The following GRM4 variants were observed in gnomAD, a reference collection of about 807,000 sequenced individuals.
GRM4 encodes metabotropic glutamate receptor 4.
In GRM4, 28 loss-of-function variants were observed where a neutral mutation model predicts 81.7. The ratio of observed to expected loss-of-function variants is 0.34; its 90% CI spans 0.25 to 0.47. The LOEUF (loss-of-function observed/expected upper bound fraction) is 0.47, where lower values mean the gene tolerates loss of function less well. Among genes scored for constraint, GRM4 ranks in the 20% least tolerant of loss-of-function variants. GRM4 has a pLI of 1.00. For synonymous variants in GRM4, 488 were observed against 528.8 expected (o/e 0.92, Z 1.06); for missense variants, 948 against 1,290.0 (o/e 0.73, Z 4.06).
chr6:34,138,144 G>A (rs1281821114), intron 1 of GRM4, among the ~76,000 whole-genome samples: 3 of 152,172 alleles, frequency 2.0e-5, no homozygotes, highest in South Asian at 4.1e-4. Context: ...GAACAACCTT[G>A]TCCTTTGTTT....
At chr6:34,088,590 A>G (rs1328314838) in intron 3 of GRM4, among the ~76,000 whole-genome samples, 1 of 152,176 alleles carries the variant, frequency 6.6e-6, no homozygotes, top group African/African-American at 2.4e-5. Context: ...CGCTTCTGCA[A>G]TGCAAGCTGG....
intron 1 of GRM4, among the ~76,000 whole-genome samples, chr6:34,154,854 C>G (rs77674414): frequency 0.015 from 2,261 of 152,338 alleles, 47 homozygotes; most frequent in African/African-American, 0.049. Flanking sequence ...ACGTGAGGAG[C>G]CTCGATTCCC....
chr6:34,151,425 C>T (rs569665468), intron 1 of GRM4, among the ~76,000 whole-genome samples: 124 of 152,288 alleles, frequency 8.1e-4, no homozygotes, highest in Non-Finnish European at 1.5e-3. Flanking sequence ...TCCACATGTC[C>T]GGGGGCTGTC....
In GRM4 at chr6:34,035,060, A is replaced by G. The variant is rs923275279; in HGVS notation, c.2442+608T>C. Among the ~76,000 whole-genome samples the G allele has an allele frequency of 1.4e-4, 21 of 152,024 alleles. No individual in the cohort carries two copies. Among genetic ancestry groups the G allele is most frequent in the African/African-American group, 4.3e-4 (18 of 41,380 alleles). ...TCCAGGGCAGCTTGGGGCTGGGGAG[A>G]GAAGGGGGGTCCCATGGGGATCTTG... On this transcript the variant is annotated intron_variant, in intron 9 of 10. Transcript: ENST00000538487. The surrounding 1 kb of genome is among the most constrained non-coding windows in gnomAD (Gnocchi z 6.6).
chr6:34,067,728 G>A (rs964874730), intron 3 of GRM4, among the ~76,000 whole-genome samples: 7 of 152,032 alleles, frequency 4.6e-5, no homozygotes, highest in African/African-American at 4.8e-5. Context: ...AGTCTAGCTG[G>A]GGAAGCAAGA....
chr6:34,150,598 T>C (rs1030622354), upstream of GRM4, among the ~76,000 whole-genome samples: 1 of 152,024 alleles, frequency 6.6e-6, no homozygotes, highest in Non-Finnish European at 1.5e-5. Context: ...ACCTGAGAGA[T>C]GATGCTTCCT....
chr6:34,146,803 C>A (rs1770944680), upstream of GRM4, among the ~76,000 whole-genome samples: 1 of 152,184 alleles, frequency 6.6e-6, no homozygotes, highest in African/African-American at 2.4e-5. Context: ...CTCGGCCAAC[C>A]CTAATTTCTA....
intron 3 of GRM4, among the ~76,000 whole-genome samples, chr6:34,081,411 G>A (rs1213995718): frequency 6.6e-6 from 1 of 152,260 alleles, no homozygotes. Context: ...GGCTGGCTGT[G>A]TGGCTGGCAT....
At chr6:34,052,067 C>A (rs1191327976) in intron 6 of GRM4, among the ~76,000 whole-genome samples, 1 of 152,212 alleles carries the variant, frequency 6.6e-6, no homozygotes, top group African/African-American at 2.4e-5. Flanking sequence ...CCAGCATGTG[C>A]CACCCTTCTG....
chr6:34,154,444 T>G (rs1771106045), intron 1 of GRM4, among the ~76,000 whole-genome samples: 1 of 152,232 alleles, frequency 6.6e-6, no homozygotes, highest in African/African-American at 2.4e-5. Context: ...CTCACTGGTC[T>G]GCCTTCCCAG....
rs139679814 is a variant in GRM4 at position 34,059,953 on chromosome 6, C to G, written c.873-825G>C. 9.6e-3 allele frequency: 1,470 copies of G among 152,362 alleles called. 11 individuals carry two copies. Among genetic ancestry groups the G allele is most frequent in the Non-Finnish European group, 0.015 (1,012 of 68,062 alleles). The allele number at this position is 152,362 out of a possible 1,614,324, so 9.4% of individuals were successfully genotyped here. A position where few individuals can be genotyped will look rare whatever the true frequency, so the allele number is the denominator to read the frequency against. ...AAAAGAGACTGAGGTAGGGAGGAGG[C>G]AAGGAACTTGCTCACAGTCACACAG... On this transcript the variant is annotated intron_variant, in intron 4 of 10. Coordinates refer to ENST00000538487, the MANE Select transcript of GRM4 (RefSeq NM_000841.4). This position sits in a 1 kb window ranked among gnomAD's most constrained non-coding sequence, Gnocchi z 5.7.
Position 34,048,870 on chromosome 6 carries a change from A to C in GRM4, c.1168+7674T>G, listed in dbSNP as rs1562024843. Among the ~76,000 whole-genome samples the C allele has an allele frequency of 6.6e-6, 1 of 152,046 alleles. No individual in the cohort carries two copies. Among genetic ancestry groups the C allele is most frequent in the Non-Finnish European group, 1.5e-5 (1 of 67,996 alleles). On this transcript the variant is annotated intron_variant, in intron 6 of 10. Transcript: ENST00000538487. The surrounding 1 kb of genome is among the most constrained non-coding windows in gnomAD (Gnocchi z 4.0). Reference sequence around the variant, plus strand: ...GATTGTAAGTTTCCTGAGGCCTCCCAGTCGCGCTTCCTGTACAGCCTGCAG... The same window carrying C: ...GATTGTAAGTTTCCTGAGGCCTCCCCGTCGCGCTTCCTGTACAGCCTGCAG...
Position 34,138,466 on chromosome 6 carries a change from T to C in GRM4, c.-363-4607A>G, listed in dbSNP as rs554955227. Among the ~76,000 whole-genome samples, 117 of 152,308 alleles carry C rather than the reference T, an allele frequency of 7.7e-4. 2 individuals are homozygous for C. Among genetic ancestry groups the C allele is most frequent in the African/African-American group, 2.7e-3 (111 of 41,566 alleles). On this transcript the variant is annotated intron_variant, in intron 1 of 10. Coordinates refer to ENST00000538487, the MANE Select transcript of GRM4 (RefSeq NM_000841.4). ...ATTCCTGAGCTGTTTAGATGCCTCA[T>C]CACCCACATCCCACATCTCCCAGAA...
intron 3 of GRM4, among the ~76,000 whole-genome samples, chr6:34,086,569 C>T (rs565380853): frequency 6.6e-6 from 1 of 152,324 alleles, no homozygotes; most frequent in East Asian, 1.9e-4. Context: ...CAGATGTGCC[C>T]AGACATGCTA....
chr6:34,052,726 G>A (rs1433826685), intron 6 of GRM4, among the ~76,000 whole-genome samples: 1 of 152,206 alleles, frequency 6.6e-6, no homozygotes, highest in African/African-American at 2.4e-5. Context: ...TGGGCTGGCT[G>A]AGGGCAAGAG....
At chr6:34,087,944 C>T (rs1254267691) in intron 3 of GRM4, among the ~76,000 whole-genome samples, 2 of 152,054 alleles carry the variant, frequency 1.3e-5, no homozygotes, top group African/African-American at 4.8e-5. Flanking sequence ...AGTTTTGTCT[C>T]TAGCCCCATC....
rs951990233 is a variant in GRM4, at chr6:34,115,205, C to T, written c.519+17773G>A. Among the ~76,000 whole-genome samples the T allele has an allele frequency of 6.6e-6, 1 of 152,228 alleles. No homozygotes were observed. Reference sequence around the variant, plus strand: ...CAGCCACCAGCCAGAACAGCAGCTCCTGGCCCACTCCACAGCTTGCATGTG... The same window carrying T: ...CAGCCACCAGCCAGAACAGCAGCTCTTGGCCCACTCCACAGCTTGCATGTG... On this transcript the variant is annotated intron_variant, in intron 2 of 10. Transcript: ENST00000538487. The surrounding 1 kb of genome is among the most constrained non-coding windows in gnomAD (Gnocchi z 4.1).
chr6:34,154,962 G>T, intron 1 of GRM4: 2 of 806,286 alleles, frequency 2.5e-6, no homozygotes, highest in Non-Finnish European at 3.5e-6. Context: ...GCACCCAGCG[G>T]CCGGGCCTGG....
At chr6:34,105,518 T>C (rs1219535129) in intron 2 of GRM4, among the ~76,000 whole-genome samples, 1 of 152,070 alleles carries the variant, frequency 6.6e-6, no homozygotes, top group Non-Finnish European at 1.5e-5. Flanking sequence ...CTCCTTCCTC[T>C]CAGCTTCCTT....
Sources: allele counts gnomAD v4.1 joint callset (sites outside exome capture counted in the v4.1 genomes callset), GRCh38; gene constraint gnomAD v4.1.1; non-coding constraint Gnocchi (gnomAD v3.1); transcripts MANE v1.5; gene names NCBI Gene and HGNC (gene_info 2026-07-23, HGNC 2026-07-21).